Variants in IMMP2L observed in about 807,000 individuals in gnomAD.
IMMP2L encodes inner mitochondrial membrane peptidase subunit 2.
A neutral mutation model predicts 19.3 loss-of-function variants in IMMP2L; 18 were observed. The observed-to-expected ratio is 0.93, with a 90% confidence interval of 0.64 to 1.38. IMMP2L has a LOEUF of 1.38. Ranked by LOEUF, IMMP2L falls within the 40% of genes most tolerant of loss-of-function variation. The probability of loss-of-function intolerance (pLI) is 0.00; values close to 1 mark genes in which losing one functional copy is unlikely to be tolerated. For missense variants in IMMP2L, 233 were observed against 218.2 expected (o/e 1.07, Z -0.43); for synonymous variants, 76 against 73.0 (o/e 1.04, Z -0.21).
intron 3 of IMMP2L, chr7:111,124,962 G>A: frequency 1.7e-6 from 2 of 1,160,506 alleles, no homozygotes; most frequent in Non-Finnish European, 2.4e-6. Flanking sequence ...GACTGCAGTT[G>A]TGCTAAAAAC....
chr7:111,035,812 C>T (rs965134195), intron 3 of IMMP2L, among the ~76,000 whole-genome samples: 1 of 152,054 alleles, frequency 6.6e-6, no homozygotes, highest in Non-Finnish European at 1.5e-5. Flanking sequence ...CAAAGTAACC[C>T]CTTTCCTAAA....
At chr7:110,800,741 T>C (rs1801180923) in intron 5 of IMMP2L, among the ~76,000 whole-genome samples, 1 of 152,070 alleles carries the variant, frequency 6.6e-6, no homozygotes, top group Admixed American at 6.6e-5. Flanking sequence ...TTGAAAACAG[T>C]GACAGGTTAG....
chr7:110,928,373 A>G (rs1815092840), intron 4 of IMMP2L, among the ~76,000 whole-genome samples: 1 of 149,114 alleles, frequency 6.7e-6, no homozygotes, highest in Admixed American at 6.7e-5. Context: ...ACACACACAC[A>G]CACACACACA....
intron 5 of IMMP2L, among the ~76,000 whole-genome samples, chr7:110,746,893 A>G (rs1797382128): frequency 6.6e-6 from 1 of 152,218 alleles, no homozygotes; most frequent in Non-Finnish European, 1.5e-5. Context: ...GACAAAAAAT[A>G]ACTAAGATCA....
chr7:110,745,017 C>T (rs1267531007), intron 5 of IMMP2L, among the ~76,000 whole-genome samples: 12 of 152,104 alleles, frequency 7.9e-5, no homozygotes, highest in Non-Finnish European at 8.8e-5. Context: ...AAAGGTTAAA[C>T]GAATTGCTAA....
In IMMP2L at chr7:111,055,157, C is replaced by A. The variant is rs140054593; in HGVS notation, c.240-91592G>T. 1.7e-4 allele frequency among the ~76,000 whole-genome samples: 26 copies of A among 152,076 alleles called. 1 individual carries two copies. The East Asian group carries it at 5.0e-3, about 29-fold the overall frequency. On this transcript the variant is annotated intron_variant, in intron 3 of 5. Transcript: ENST00000405709. ...TCTCAAACTCTTGGGCTCGGGCAAG[C>A]TTCCCATCTCAGCCTCCGAGTAGCT...
At chr7:111,446,339 C>T (rs1563202077) in intron 3 of IMMP2L, among the ~76,000 whole-genome samples, 1 of 142,678 alleles carries the variant, frequency 7.0e-6, no homozygotes, top group Non-Finnish European at 1.5e-5. Flanking sequence ...AGTGGTTCTC[C>T]CAGCACACAG....
intron 5 of IMMP2L, among the ~76,000 whole-genome samples, chr7:110,713,099 A>C (rs1342840447): frequency 6.6e-6 from 1 of 152,166 alleles, no homozygotes; most frequent in Non-Finnish European, 1.5e-5. Context: ...GGTGAAAGGT[A>C]AGGGTTCAGT....
At chr7:110,962,955 C>G (rs1819122973) in intron 4 of IMMP2L, 1 of 1,438,244 alleles carries the variant, frequency 7.0e-7, no homozygotes, top group African/African-American at 1.5e-5. Flanking sequence ...CTTGATTTAT[C>G]AGCAAGTACA....
intron 1 of IMMP2L, among the ~76,000 whole-genome samples, chr7:111,551,096 CTT>C (rs1314938827): frequency 2.0e-5 from 3 of 152,068 alleles, no homozygotes; most frequent in Non-Finnish European, 2.9e-5. Flanking sequence ...AAAAAAAAGT[CTT>C]TGCTGTATAC....
At chr7:111,356,204 A>C (rs1277992268) in intron 3 of IMMP2L, among the ~76,000 whole-genome samples, 4 of 152,002 alleles carry the variant, frequency 2.6e-5, no homozygotes, top group African/African-American at 7.2e-5. Context: ...GACTCATTCA[A>C]CATGTTCAGA....
intron 3 of IMMP2L, among the ~76,000 whole-genome samples, chr7:111,103,274 C>T (rs776651279): frequency 5.3e-5 from 8 of 151,484 alleles, no homozygotes; most frequent in Non-Finnish European, 8.9e-5. Flanking sequence ...CTATCTATTC[C>T]GTTGCCAACA....
At chr7:111,472,359 C>T (rs1841346408) in intron 3 of IMMP2L, among the ~76,000 whole-genome samples, 2 of 152,088 alleles carry the variant, frequency 1.3e-5, no homozygotes, top group Non-Finnish European at 2.9e-5. Context: ...TGGTAACTTA[C>T]TAAGGCATCA....
chr7:111,444,078 T>G (rs543205272), intron 3 of IMMP2L, among the ~76,000 whole-genome samples: 1 of 152,162 alleles, frequency 6.6e-6, no homozygotes, highest in Non-Finnish European at 1.5e-5. Flanking sequence ...TGTGTTTCTA[T>G]TTTTAAAAAA....
intron 3 of IMMP2L, among the ~76,000 whole-genome samples, chr7:111,170,660 T>A (rs746343280): frequency 9.2e-5 from 14 of 151,884 alleles, no homozygotes; most frequent in Middle Eastern, 3.4e-3. Flanking sequence ...AATAATGAGG[T>A]CTGAGGGTTC....
At chr7:111,458,696 T>C (rs189329915) in intron 3 of IMMP2L, among the ~76,000 whole-genome samples, 3 of 152,246 alleles carry the variant, frequency 2.0e-5, no homozygotes, top group African/African-American at 7.2e-5. Context: ...TCTCTGCCTA[T>C]ATTCTCCTTC....
chr7:111,453,349 T>C (rs1383914458), intron 3 of IMMP2L, among the ~76,000 whole-genome samples: 2 of 152,112 alleles, frequency 1.3e-5, no homozygotes, highest in Non-Finnish European at 2.9e-5. Flanking sequence ...CTTGATGCCT[T>C]CTCCCCACTA....
chr7:111,221,542 T>C (rs997220351), intron 3 of IMMP2L, among the ~76,000 whole-genome samples: 12 of 151,882 alleles, frequency 7.9e-5, no homozygotes, highest in Non-Finnish European at 1.8e-4. Context: ...CGTGAGCCTA[T>C]ACACACTAGC....
chr7:111,017,114 C>A (rs1315870967), intron 3 of IMMP2L, among the ~76,000 whole-genome samples: 3 of 149,310 alleles, frequency 2.0e-5, no homozygotes, highest in South Asian at 2.1e-4. Flanking sequence ...CGCTCTGTTG[C>A]TGGAGTGCAG....
Sources: allele counts gnomAD v4.1 joint callset (sites outside exome capture counted in the v4.1 genomes callset), GRCh38; gene constraint gnomAD v4.1.1; transcripts MANE v1.5; gene names NCBI Gene and HGNC (gene_info 2026-07-23, HGNC 2026-07-21).